VPS13B: variants seen among roughly 807,000 people sequenced by gnomAD.
VPS13B encodes the protein intermembrane lipid transfer protein VPS13B.
VPS13B carries 285 observed loss-of-function variants against 426.4 expected under a neutral mutation model. The observed-to-expected ratio is 0.67, with a 90% CI of 0.61 to 0.74. The LOEUF (loss-of-function observed/expected upper bound fraction) is 0.74, where lower values mean the gene tolerates loss of function less well. Among genes scored for constraint, VPS13B ranks in the 30% least tolerant of loss-of-function variants. The probability of loss-of-function intolerance (pLI) is 0.00; values close to 1 mark genes in which losing one functional copy is unlikely to be tolerated. For synonymous variants in VPS13B, 1,676 were observed against 1,676.4 expected (o/e 1.00, Z 0.01); for missense variants, 4,537 against 4,782.6 (o/e 0.95, Z 1.51).
intron 29 of VPS13B, among the ~76,000 whole-genome samples, chr8:99,511,732 G>A (rs1462741076): frequency 6.6e-6 from 1 of 152,192 alleles, no homozygotes; most frequent in African/African-American, 2.4e-5. Flanking sequence ...ATAAGAAATT[G>A]AGGAAATTTT....
At chr8:99,454,181 G>C (rs187116669) in intron 23 of VPS13B, among the ~76,000 whole-genome samples, 1 of 152,122 alleles carries the variant, frequency 6.6e-6, no homozygotes, top group Admixed American at 6.6e-5. Flanking sequence ...TCTTTCCATG[G>C]CTTGATAGCT....
chr8:99,830,704 G>T (rs1373794125), intron 51 of VPS13B, among the ~76,000 whole-genome samples: 8 of 152,160 alleles, frequency 5.3e-5, no homozygotes, highest in Non-Finnish European at 1.0e-4. Context: ...CTGGTTTTGT[G>T]CTTGAAACCC....
chr8:99,479,368 C>G (rs764471364), intron 24 of VPS13B, among the ~76,000 whole-genome samples: 1 of 152,128 alleles, frequency 6.6e-6, no homozygotes. Context: ...ATTCAATACA[C>G]AAGACATTGT....
chr8:99,197,581 G>C (rs1335163277), intron 17 of VPS13B, among the ~76,000 whole-genome samples: 1 of 152,144 alleles, frequency 6.6e-6, no homozygotes, highest in Non-Finnish European at 1.5e-5. Flanking sequence ...ATCCATTGGT[G>C]TAGCATTGTT....
At chr8:99,244,425 A>G (rs111969047) in intron 17 of VPS13B, among the ~76,000 whole-genome samples, 3,538 of 152,326 alleles carry the variant, frequency 0.023, 149 homozygotes, top group African/African-American at 0.08. Flanking sequence ...TTGCTTCTTT[A>G]TAAATATTAT....
At chr8:99,716,637 C>T (rs547790051) in intron 36 of VPS13B, among the ~76,000 whole-genome samples, 6 of 152,094 alleles carry the variant, frequency 3.9e-5, no homozygotes, top group Non-Finnish European at 8.8e-5. Context: ...GTTTTTAAGA[C>T]TTTGTAAACT....
At chr8:99,392,529 A>G (rs1814501014) in intron 21 of VPS13B, among the ~76,000 whole-genome samples, 1 of 152,194 alleles carries the variant, frequency 6.6e-6, no homozygotes, top group Non-Finnish European at 1.5e-5. Flanking sequence ...AGTTTCAGTA[A>G]ATCAGAACCA....
At chr8:99,794,771 T>G (rs569527308) in intron 43 of VPS13B, among the ~76,000 whole-genome samples, 1 of 152,298 alleles carries the variant, frequency 6.6e-6, no homozygotes, top group African/African-American at 2.4e-5. Context: ...CTTACTGAGG[T>G]TTACTATATT....
At chr8:99,308,769 A>G (rs895476668) in intron 19 of VPS13B, among the ~76,000 whole-genome samples, 6 of 152,194 alleles carry the variant, frequency 3.9e-5, no homozygotes, top group Non-Finnish European at 7.3e-5. Flanking sequence ...GTCTTCCACA[A>G]TGGTTGAACT....
chr8:99,276,956 G>A (rs1818931087), intron 19 of VPS13B, among the ~76,000 whole-genome samples: 1 of 152,000 alleles, frequency 6.6e-6, no homozygotes. Flanking sequence ...AAATTAATAA[G>A]TTGAGTGTAT....
At chr8:99,116,849 C>A (rs1204500725) in intron 7 of VPS13B, among the ~76,000 whole-genome samples, 1 of 152,070 alleles carries the variant, frequency 6.6e-6, no homozygotes, top group African/African-American at 2.4e-5. Flanking sequence ...TATTTTAGTG[C>A]TGTTAATTAA....
intron 17 of VPS13B, among the ~76,000 whole-genome samples, chr8:99,216,452 C>T (rs1197317162): frequency 6.6e-6 from 1 of 151,648 alleles, no homozygotes; most frequent in Admixed American, 6.6e-5. Flanking sequence ...ACTGTCTTTT[C>T]TTTTCTAGAG....
chr8:99,329,237 A>G (rs1027745600), intron 19 of VPS13B, among the ~76,000 whole-genome samples: 3 of 152,120 alleles, frequency 2.0e-5, no homozygotes, highest in Non-Finnish European at 4.4e-5. Context: ...CCTTGTTTTC[A>G]TAGGTATAAA....
chr8:99,853,341 T>A, intron 55 of VPS13B, 110 bp from the exon 56 acceptor site: 1 of 1,097,660 alleles, frequency 9.1e-7, no homozygotes, highest in Non-Finnish European at 1.3e-6. Flanking sequence ...CTTATGAGAA[T>A]CTGATGTCCC....
At chr8:99,757,384 C>T (rs1309840514) in intron 39 of VPS13B, among the ~76,000 whole-genome samples, 1 of 152,052 alleles carries the variant, frequency 6.6e-6, no homozygotes, top group East Asian at 1.9e-4. Context: ...TATTAGGCTA[C>T]ATCAGTTGCT....
intron 19 of VPS13B, among the ~76,000 whole-genome samples, chr8:99,360,188 T>G (rs370762754): frequency 3.6e-5 from 1 of 28,032 alleles, no homozygotes; most frequent in Admixed American, 3.5e-4. Flanking sequence ...CTTTCTTTCT[T>G]TCTCTCTCTC....
chr8:99,706,488 T>C (rs1832503972), intron 36 of VPS13B, among the ~76,000 whole-genome samples: 1 of 152,302 alleles, frequency 6.6e-6, no homozygotes, highest in Middle Eastern at 3.4e-3. Context: ...ATATGAAGTC[T>C]TCATAAGACT....
At chr8:99,816,558 C>T (rs1044663297) in intron 44 of VPS13B, among the ~76,000 whole-genome samples, 1 of 152,136 alleles carries the variant, frequency 6.6e-6, no homozygotes, top group African/African-American at 2.4e-5. Context: ...GTAATCCCAG[C>T]ATTTTGGGAG....
At chr8:99,706,754 C>T (rs1193892152) in intron 36 of VPS13B, among the ~76,000 whole-genome samples, 1 of 152,112 alleles carries the variant, frequency 6.6e-6, no homozygotes, top group East Asian at 1.9e-4. Context: ...AATAGCATCT[C>T]CTTAGCATTC....
Sources: gnomAD v4.1 joint callset for allele counts (sites outside exome capture counted in the v4.1 genomes callset) on GRCh38, gnomAD v4.1.1 for gene constraint, MANE v1.5 for transcripts, NCBI Gene and HGNC (gene_info 2026-07-23, HGNC 2026-07-21) for gene names.